Variants in SBF1 observed in about 807,000 individuals in gnomAD.
SBF1 encodes myotubularin-related protein 5.
SBF1 carries 65 observed loss-of-function variants against 215.8 expected under a neutral mutation model. That is an observed-to-expected ratio of 0.30 (90% CI 0.25 to 0.37). The LOEUF is 0.37. Ranked by LOEUF, SBF1 falls within the 10% of genes least tolerant of loss-of-function variation. The pLI, the probability that SBF1 is intolerant of heterozygous loss-of-function variation, is 1.00. For synonymous variants in SBF1, 1,410 were observed against 1,122.8 expected (o/e 1.26, Z -5.11); for missense variants, 2,634 against 2,667.8 (o/e 0.99, Z 0.28).
chr22:50,465,436 T>C, intron 10 of SBF1, 108 bp from the exon 11 acceptor site: 1 of 922,370 alleles, frequency 1.1e-6, no homozygotes, highest in South Asian at 1.6e-5. Flanking sequence ...CCCGCTCCCA[T>C]CCTTCTGCCC....
Position 50,466,039 on chromosome 22 carries a change from C to A in SBF1, c.933G>T (p.Thr311=). Residue 311 remains threonine (T), a synonymous_variant, in exon 9 of 41, where the codon ACG becomes ACT. Transcript: ENST00000380817. ...TGTGCACACACTCAGGAATGGTGAC[C>A]GTCCCTCCATCCAGATCAGCAACAA... ...DVIVADLDGG[T]VTIPECVHIP... 1.2e-6 allele frequency: 2 copies of A among 1,613,894 alleles called. No individual in the cohort carries two copies. Among genetic ancestry groups the A allele is most frequent in the African/African-American group, 1.3e-5 (1 of 75,052 alleles).
In SBF1 at chr22:50,447,228, G is replaced by A. The variant is rs747747731; in HGVS notation, c.5596C>T (p.Arg1866Cys). 45 of 1,613,830 alleles carry A rather than the reference G, an allele frequency of 2.8e-5. No individual in the cohort carries two copies. Among genetic ancestry groups the A allele is most frequent in the South Asian group, 6.6e-5 (6 of 91,092 alleles). The stretch of plus-strand genomic sequence containing the variant: ...TGGGCACAGAAGTTGTAAACGCGAC[G>A]CGTTGTCTTCACCTGGGGAAGGGCG... ...EKAFFDVKTT[R>C]RVYNFCAQDV... Residue 1866 changes from arginine to cysteine, a missense_variant, in exon 41 of 41, where the codon CGT becomes TGT. Coordinates refer to ENST00000380817, the MANE Select transcript of SBF1 (RefSeq NM_002972.4).
Position 50,456,309 on chromosome 22 carries a change from C to T in SBF1, c.4173G>A (p.Lys1391=). The T allele has an allele frequency of 1.2e-6, 2 of 1,613,046 alleles. No homozygotes were observed. Among genetic ancestry groups the T allele is most frequent in the South Asian group, 1.1e-5 (1 of 91,038 alleles). The change falls in exon 31 of 41, where the codon AAG becomes AAA. Residue 1391 remains lysine, a synonymous_variant. Coordinates refer to ENST00000380817, the MANE Select transcript of SBF1 (RefSeq NM_002972.4). ...AGCCTGGGACACATGCTTTCAGCAG[C>T]TTCTTGAAGCTAGCCTTCACCTGCC... ...EARQVKASFK[K]LLKACVPGCP...
Position 50,459,544 on chromosome 22 carries a change from A to AC in SBF1, c.3613dup (p.Val1205GlyfsTer34). ...ATGCAGGCCTCCAGAGCGCAGCAGC[A>AC]CCGCCTTGGACCGCCCGCTGCGCCA... On this transcript the variant is annotated frameshift_variant, in exon 27 of 41. Coordinates refer to ENST00000380817, the MANE Select transcript of SBF1 (RefSeq NM_002972.4). LOFTEE classifies it high-confidence loss of function. 6.2e-7 allele frequency: 1 copy of AC among 1,608,048 alleles called. No individual in the cohort carries two copies. The highest frequency in any genetic ancestry group is 8.5e-7 in the Non-Finnish European group (1 of 1,178,978).
In SBF1 at chr22:50,474,858, G is replaced by T. The variant is rs1161737105; in HGVS notation, c.-18C>A. 1 of 1,379,130 alleles carries T rather than the reference G, an allele frequency of 7.3e-7. No individual in the cohort carries two copies. Among genetic ancestry groups the T allele is most frequent in the Admixed American group, 3.5e-5 (1 of 28,446 alleles). 85.4% of individuals were successfully genotyped at this position (1,379,130 alleles called of 1,614,324 possible). A position where few individuals can be genotyped will look rare whatever the true frequency, so the allele number is the denominator to read the frequency against. ...CGCGCCATGGCGAGGGACGCGGGGC[G>T]GCCCGAGGGGCGCGGGCGGGCTCCG... is the stretch of plus-strand genomic sequence containing the variant. On this transcript the variant is annotated 5_prime_UTR_variant, in exon 1 of 41. Coordinates refer to ENST00000380817, the MANE Select transcript of SBF1 (RefSeq NM_002972.4).
At chr22:50,462,831 G>A (rs747942490) in intron 17 of SBF1, 39 bp downstream of exon 17, 1 of 1,607,670 alleles carries the variant, frequency 6.2e-7, no homozygotes, top group African/African-American at 1.3e-5. Context: ...ACCAGGAAGG[G>A]GGGGCTGGGA....
Position 50,447,448 on chromosome 22 carries a change from G to C in SBF1, c.5457C>G (p.Arg1819=), listed in dbSNP as rs1332074036. The change falls in exon 40 of 41, where the codon CGC becomes CGG. Residue 1819 remains arginine, a synonymous_variant. Transcript: ENST00000380817. Reference sequence around the variant, plus strand: ...CTGTGTCCACACGGTGGTCGTAGTAGCGCAGCTGGAGGAGGCCACAGAGTC... The same window carrying C: ...CTGTGTCCACACGGTGGTCGTAGTACCGCAGCTGGAGGAGGCCACAGAGTC... The part of the protein sequence containing the change: ...FVLDKTKHQL[R]YYDHRVDTEC... 6.2e-7 allele frequency: 1 copy of C among 1,610,382 alleles called. No individual in the cohort carries two copies. Among genetic ancestry groups the C allele is most frequent in the African/African-American group, 1.3e-5 (1 of 74,730 alleles).
In SBF1 at chr22:50,456,352, A is replaced by G. The variant is rs376598966; in HGVS notation, c.4130T>C (p.Ile1377Thr). 43 of 1,613,284 alleles carry G rather than the reference A, an allele frequency of 2.7e-5. No homozygotes were observed. In the African/African-American group the frequency reaches 2.7e-4, roughly 10 times the overall value. Residue 1377 changes from isoleucine (I) to threonine (T), a missense_variant, in exon 31 of 41, where the codon ATT becomes ACT. Coordinates refer to ENST00000380817, the MANE Select transcript of SBF1 (RefSeq NM_002972.4). ...CACCTGCCGTGCCTCGAATACCTCA[A>G]TGGGCACCAGCTCCCACTGCTGCAG... ...DPLQQWELVP[I>T]EVFEARQVKA...
intron 38 of SBF1, 41 bp downstream of exon 38, chr22:50,448,192 G>A (rs1307954217): frequency 1.3e-5 from 21 of 1,583,010 alleles, no homozygotes; most frequent in Admixed American, 5.0e-5. Context: ...CAGAACACCA[G>A]CTCAGAGGTG....
intron 1 of SBF1, among the ~76,000 whole-genome samples, chr22:50,471,649 T>C (rs748597214): frequency 6.1e-4 from 93 of 152,180 alleles, no homozygotes; most frequent in Admixed American, 1.6e-3. Context: ...CAGCAGGCCA[T>C]GCGCAGGGCC....
intron 40 of SBF1, 30 bp from the exon 41 acceptor site, chr22:50,447,270 G>A: frequency 1.2e-6 from 2 of 1,613,382 alleles, no homozygotes; most frequent in Non-Finnish European, 1.7e-6. Flanking sequence ...TGACTCCGCA[G>A]CCCCCACACC....
rs1302102946 is a variant in SBF1 at position 50,466,058 on chromosome 22, G to A, written c.914C>T (p.Ala305Val). Residue 305 changes from alanine to valine, a missense_variant, in exon 9 of 41, where the codon GCT becomes GTT. Physicochemically the swap from Ala to Val is moderately conservative, Grantham distance 64. Transcript: ENST00000380817. ...GGTGACCGTCCCTCCATCCAGATCA[G>A]CAACAATCACATCGAGCTGCGGACC... ...ETQELLDVIV[A>V]DLDGGTVTIP... is the part of the protein sequence containing the mutation. 2.5e-6 allele frequency: 4 copies of A among 1,613,824 alleles called. No individual in the cohort carries two copies. Among genetic ancestry groups the A allele is most frequent in the Admixed American group, 3.3e-5 (2 of 60,030 alleles).
chr22:50,447,789 G>A (rs1024181753), intron 38 of SBF1, among the ~76,000 whole-genome samples, 180 bp from the exon 39 acceptor site: 3 of 152,226 alleles, frequency 2.0e-5, no homozygotes, highest in African/African-American at 4.8e-5. Flanking sequence ...TTGATGGGGG[G>A]CTGCAGGCCC....
At chr22:50,448,206 A>G (rs1194487170) in intron 38 of SBF1, 27 bp downstream of exon 38, 3 of 1,603,160 alleles carry the variant, frequency 1.9e-6, no homozygotes, top group Non-Finnish European at 2.6e-6. Context: ...AGAGGTGTCC[A>G]TGTGGCAGTG....
At chr22:50,450,361 A>G (rs939454279) in intron 36 of SBF1, among the ~76,000 whole-genome samples, 3 of 152,128 alleles carry the variant, frequency 2.0e-5, no homozygotes, top group African/African-American at 7.2e-5. Flanking sequence ...TCTCTACTAA[A>G]AATACAAAAA....
rs764420155 is a variant in SBF1, at chr22:50,447,253, G to A, written c.5584-13C>T. ...GCGTTGTCTTCACCTGGGGAAGGGC[G>A]GGTTACTGACTCCGCAGCCCCCACA... On this transcript the variant is annotated splice_polypyrimidine_tract_variant and intron_variant, in intron 40 of 40. Transcript: ENST00000380817. 3.5e-5 allele frequency: 56 copies of A among 1,613,598 alleles called. No homozygotes were observed. The highest frequency in any genetic ancestry group is 1.3e-4 in the East Asian group (6 of 44,896).
rs938212922 is a variant in SBF1 at position 50,460,586 on chromosome 22, G to A, written c.3094C>T (p.His1032Tyr). The stretch of plus-strand genomic sequence containing the variant: ...ACTCGCGGTGGCCGGCCAGGTGTGT[G>A]GGCAGAGCCCAAGGTGAACGCAAAG... ...ATFAFTLGSA[H>Y]TPGRPPRVTK... The change falls in exon 24 of 41, where the codon CAC becomes TAC. Residue 1032 changes from histidine (H) to tyrosine (Y), a missense_variant. His to Tyr is a moderately conservative substitution (Grantham distance 83). Transcript: ENST00000380817. 20 of 1,613,994 alleles carry A rather than the reference G, an allele frequency of 1.2e-5. No individual in the cohort carries two copies. The highest frequency in any genetic ancestry group is 2.2e-5 in the South Asian group (2 of 91,096).
intron 19 of SBF1, 30 bp from the exon 20 acceptor site, chr22:50,462,149 G>C (rs768695867): frequency 2.5e-6 from 4 of 1,609,572 alleles, no homozygotes; most frequent in Non-Finnish European, 3.4e-6. Context: ...GTGGGCATGG[G>C]CCCTGCCCAC....
At position 50,459,503 on chromosome 22, in the gene SBF1, C is replaced by A; in HGVS notation, c.3655G>T (p.Gly1219Cys). 1 of 1,610,032 alleles carries A rather than the reference C, an allele frequency of 6.2e-7. No homozygotes were observed. Among genetic ancestry groups the A allele is most frequent in the Non-Finnish European group, 8.5e-7 (1 of 1,179,786 alleles). ...SGGLHGKGVV[G>C]LFKAQNAPSP... Reference sequence around the variant, plus strand: ...GGTGCGTTCTGGGCCTTGAAGAGGCCGACGACACCTTTGCCATGCAGGCCT... The same window carrying A: ...GGTGCGTTCTGGGCCTTGAAGAGGCAGACGACACCTTTGCCATGCAGGCCT... The change falls in exon 27 of 41, where the codon GGC becomes TGC. Residue 1219 changes from glycine to cysteine, a missense_variant. Physicochemically the swap from Gly to Cys is radical, Grantham distance 159. Coordinates refer to ENST00000380817, the MANE Select transcript of SBF1 (RefSeq NM_002972.4).
Sources: allele counts gnomAD v4.1 joint callset (sites outside exome capture counted in the v4.1 genomes callset), GRCh38; gene constraint gnomAD v4.1.1; transcripts MANE v1.5; gene names NCBI Gene and HGNC (gene_info 2026-07-23, HGNC 2026-07-21).